Variants in CAMK2D observed in about 807,000 individuals in gnomAD.
CAMK2D encodes the protein calcium/calmodulin-dependent protein kinase type II subunit delta.
CAMK2D carries 37 observed loss-of-function variants against 84.0 expected under a neutral mutation model. That is an observed-to-expected ratio of 0.44 (90% CI 0.34 to 0.58). The LOEUF is 0.58. Ranked by LOEUF, CAMK2D falls within the 20% of genes least tolerant of loss-of-function variation. The probability of loss-of-function intolerance (pLI) is 0.02; values close to 1 mark genes in which losing one functional copy is unlikely to be tolerated. For missense variants in CAMK2D, 448 were observed against 652.5 expected (o/e 0.69, Z 3.41); for synonymous variants, 202 against 212.5 (o/e 0.95, Z 0.43).
At chr4:113,714,801 A>G (rs1361118311) in intron 2 of CAMK2D, among the ~76,000 whole-genome samples, 2 of 152,170 alleles carry the variant, frequency 1.3e-5, no homozygotes, top group African/African-American at 2.4e-5. Context: ...TTACAGGCAC[A>G]TGTAAATAAA....
At chr4:113,702,184 G>A (rs1346188093) in intron 2 of CAMK2D, among the ~76,000 whole-genome samples, 2 of 152,216 alleles carry the variant, frequency 1.3e-5, no homozygotes, top group African/African-American at 4.8e-5. Flanking sequence ...ATTACTAAGA[G>A]GTTACTTTCA....
intron 2 of CAMK2D, among the ~76,000 whole-genome samples, chr4:113,740,348 C>T (rs2099589917): frequency 6.7e-6 from 1 of 150,264 alleles, no homozygotes. Flanking sequence ...ACTATGGATG[C>T]ACCTTGAAAG....
At chr4:113,688,945 A>T (rs1441153892) in intron 2 of CAMK2D, among the ~76,000 whole-genome samples, 3 of 143,124 alleles carry the variant, frequency 2.1e-5, no homozygotes, top group African/African-American at 7.8e-5. Flanking sequence ...GAAAGAGCAC[A>T]CTAAAAAAAA....
At chr4:113,487,993 T>G (rs558149939) in intron 16 of CAMK2D, among the ~76,000 whole-genome samples, 49 of 152,172 alleles carry the variant, frequency 3.2e-4, no homozygotes, top group African/African-American at 1.2e-3. Flanking sequence ...ACAGGTAAAT[T>G]ATGTAACTTG....
chr4:113,526,414 A>ATG (rs35503858), intron 8 of CAMK2D, among the ~76,000 whole-genome samples: 49,923 of 149,346 alleles, frequency 0.33, 9,676 homozygotes, highest in East Asian at 0.63. Flanking sequence ...GTCATTCTTG[A>ATG]TGTGTGTGTG....
chr4:113,581,529 A>AAAAAAAAAAG lies in CAMK2D; in HGVS notation c.275+27622_275+27623insCTTTTTTTTT, dbSNP rs373642282. Among the ~76,000 whole-genome samples the AAAAAAAAAAG allele has an allele frequency of 2.4e-3, 292 of 121,810 alleles. 3 individuals are homozygous for AAAAAAAAAAG. Among genetic ancestry groups the AAAAAAAAAAG allele is most frequent in the African/African-American group, 8.4e-3 (257 of 30,772 alleles). The allele number at this position is 121,810 out of a possible 152,430, so 79.9% of individuals were successfully genotyped here. ...ACTTTCTCATAAAAAAAAAAAAAAA[A>AAAAAAAAAAG]AAAAGAAAAGAAAAGAAAAGAAAAA... is the stretch of plus-strand genomic sequence containing the variant. On this transcript the variant is annotated intron_variant, in intron 4 of 20. Coordinates refer to ENST00000511664, the MANE Select transcript of CAMK2D (RefSeq NM_001321571.2).
chr4:113,465,118 G>A (rs1030740102), intron 17 of CAMK2D, among the ~76,000 whole-genome samples: 2 of 151,954 alleles, frequency 1.3e-5, no homozygotes, highest in Admixed American at 6.6e-5. Context: ...ATGCAGCCTC[G>A]ACCTCCTGGG....
At chr4:113,675,661 AC>A (rs2099315377) in intron 2 of CAMK2D, among the ~76,000 whole-genome samples, 2 of 152,220 alleles carry the variant, frequency 1.3e-5, no homozygotes, top group African/African-American at 4.8e-5. Context: ...GAAAAAAAAA[AC>A]ATGCGACTAC....
rs111248933 is a variant in CAMK2D, at chr4:113,735,801, A to C, written c.160+23519T>G. On this transcript the variant is annotated intron_variant, in intron 2 of 20. Transcript: ENST00000511664. ...AAAGACTAGATTAGCCAGATAAAAG[A>C]CAAATGGCATTAAAGTATATTTATG... 4.6e-3 allele frequency among the ~76,000 whole-genome samples: 695 copies of C among 152,298 alleles called. 3 individuals carry two copies. Among genetic ancestry groups the C allele is most frequent in the Middle Eastern group, 0.017 (5 of 294 alleles).
intron 2 of CAMK2D, among the ~76,000 whole-genome samples, chr4:113,672,897 T>C (rs1205607125): frequency 6.6e-6 from 1 of 152,146 alleles, no homozygotes; most frequent in East Asian, 1.9e-4. Context: ...TGTAAAACTA[T>C]GACATATCAA....
At chr4:113,738,768 T>C (rs1262923713) in intron 2 of CAMK2D, among the ~76,000 whole-genome samples, 6 of 152,098 alleles carry the variant, frequency 3.9e-5, no homozygotes, top group Non-Finnish European at 4.4e-5. Context: ...ACTGAAAATT[T>C]TGGGGGAAGA....
chr4:113,568,885 T>C (rs1392187201), intron 4 of CAMK2D, among the ~76,000 whole-genome samples: 1 of 152,246 alleles, frequency 6.6e-6, no homozygotes, highest in African/African-American at 2.4e-5. Flanking sequence ...TGGTCATTTG[T>C]ATATCTTCTT....
chr4:113,571,333 C>A (rs2098752665), intron 4 of CAMK2D, among the ~76,000 whole-genome samples: 1 of 152,148 alleles, frequency 6.6e-6, no homozygotes, highest in Admixed American at 6.6e-5. Flanking sequence ...GAAGAGATGT[C>A]TTCACTCCCA....
chr4:113,715,217 G>C (rs907298206), intron 2 of CAMK2D, among the ~76,000 whole-genome samples: 2 of 151,980 alleles, frequency 1.3e-5, no homozygotes, highest in African/African-American at 4.8e-5. Flanking sequence ...AACTTTTGTT[G>C]ATATTGAAGA....
At chr4:113,481,100 TG>T (rs1435485418) in intron 16 of CAMK2D, among the ~76,000 whole-genome samples, 2 of 152,220 alleles carry the variant, frequency 1.3e-5, no homozygotes, top group African/African-American at 4.8e-5. Flanking sequence ...GCATTTTCGG[TG>T]TTTTTAACTC....
chr4:113,477,170 T>C lies in CAMK2D; in HGVS notation c.1136-11566A>G, dbSNP rs72903992. Among the ~76,000 whole-genome samples the C allele has an allele frequency of 4.2e-3, 633 of 152,300 alleles. 8 individuals carry two copies. Among genetic ancestry groups the C allele is most frequent in the African/African-American group, 0.014 (589 of 41,558 alleles). On this transcript the variant is annotated intron_variant, in intron 16 of 20. Transcript: ENST00000511664. ...AGAAGAATCCATTGGGCTGTACCCA[T>C]GTGAATGCCTATAACTCTTCCAATG...
At chr4:113,750,051 G>A (rs569098839) in intron 2 of CAMK2D, among the ~76,000 whole-genome samples, 80 of 152,132 alleles carry the variant, frequency 5.3e-4, no homozygotes, top group African/African-American at 1.8e-3. Context: ...TGTGCCAGGC[G>A]CAGACTGAAA....
intron 4 of CAMK2D, among the ~76,000 whole-genome samples, chr4:113,560,167 T>C (rs17046236): frequency 0.039 from 5,941 of 152,142 alleles, 399 homozygotes; most frequent in African/African-American, 0.13. Flanking sequence ...GTCCTTCTTG[T>C]TTTGCGGATA....
chr4:113,738,109 A>T (rs970094058), intron 2 of CAMK2D, among the ~76,000 whole-genome samples: 1 of 152,066 alleles, frequency 6.6e-6, no homozygotes, highest in Non-Finnish European at 1.5e-5. Flanking sequence ...TAATGTTAGA[A>T]ATCAAAGTTT....
Sources: gnomAD v4.1 joint callset for allele counts (sites outside exome capture counted in the v4.1 genomes callset) on GRCh38, gnomAD v4.1.1 for gene constraint, MANE v1.5 for transcripts, NCBI Gene and HGNC (gene_info 2026-07-23, HGNC 2026-07-21) for gene names.